EPHA5: variants seen among roughly 807,000 people sequenced by gnomAD.
The protein encoded by EPHA5 is ephrin type-A receptor 5.
In EPHA5, 60 loss-of-function variants were observed where a neutral mutation model predicts 105.0. The ratio of observed to expected loss-of-function variants is 0.57; its 90% CI spans 0.46 to 0.71. The LOEUF (loss-of-function observed/expected upper bound fraction) is 0.71. Among genes scored for constraint, EPHA5 ranks in the 30% least tolerant of loss-of-function variants. The probability of loss-of-function intolerance (pLI) is 0.00; values close to 1 mark genes in which losing one functional copy is unlikely to be tolerated. For missense variants in EPHA5, 1,218 were observed against 1,274.7 expected (o/e 0.96, Z 0.68); for synonymous variants, 513 against 449.1 (o/e 1.14, Z -1.80).
chr4:65,347,980 G>C, intron 14 of EPHA5, 74 bp downstream of exon 14: 1 of 1,381,782 alleles, frequency 7.2e-7, no homozygotes, highest in Non-Finnish European at 9.6e-7. Flanking sequence ...TTTCAGAAAT[G>C]AAAAACATTG....
intron 8 of EPHA5, among the ~76,000 whole-genome samples, chr4:65,388,323 G>A (rs1385767065): frequency 2.0e-5 from 3 of 151,838 alleles, no homozygotes; most frequent in Non-Finnish European, 4.4e-5. Flanking sequence ...AATCCTTTGG[G>A]TATATACCCA....
chr4:65,576,389 C>T (rs1233731104), intron 3 of EPHA5, among the ~76,000 whole-genome samples: 3 of 152,168 alleles, frequency 2.0e-5, no homozygotes, highest in Non-Finnish European at 4.4e-5. Context: ...AGCCTTTTTA[C>T]AGTCATTTTT....
chr4:65,383,092 T>C (rs1433900916), intron 8 of EPHA5, among the ~76,000 whole-genome samples: 1 of 149,530 alleles, frequency 6.7e-6, no homozygotes, highest in East Asian at 2.0e-4. Context: ...TGTAAAAATC[T>C]TATGCATAAA....
At chr4:65,581,220 C>T (rs191406611) in intron 3 of EPHA5, among the ~76,000 whole-genome samples, 1 of 151,716 alleles carries the variant, frequency 6.6e-6, no homozygotes, top group Non-Finnish European at 1.5e-5. Context: ...TGAAGATGCT[C>T]TATATGCCAG....
At chr4:65,615,576 C>T (rs1745157639) in intron 2 of EPHA5, among the ~76,000 whole-genome samples, 1 of 151,808 alleles carries the variant, frequency 6.6e-6, no homozygotes, top group Non-Finnish European at 1.5e-5. Flanking sequence ...TCACTCAAAA[C>T]TCACAGTAAA....
rs748569987 is a variant in EPHA5, at chr4:65,643,440, G to T, written c.182-13C>A. 4.4e-6 allele frequency: 7 copies of T among 1,608,060 alleles called. No homozygotes were observed. The highest frequency in any genetic ancestry group is 6.0e-6 in the Non-Finnish European group (7 of 1,175,856). On this transcript the variant is annotated splice_polypyrimidine_tract_variant and intron_variant, in intron 1 of 16. Coordinates refer to ENST00000613740, the MANE Select transcript of EPHA5 (RefSeq NM_001281766.3). Reference sequence around the variant, plus strand: ...TCCAATAAATTCACTGAAAAGAAAAGAACAAAAAACTCAGTGAAATGTATA... The same window carrying T: ...TCCAATAAATTCACTGAAAAGAAAATAACAAAAAACTCAGTGAAATGTATA...
At chr4:65,392,006 A>G (rs978728037) in intron 8 of EPHA5, among the ~76,000 whole-genome samples, 2 of 152,140 alleles carry the variant, frequency 1.3e-5, no homozygotes, top group Non-Finnish European at 2.9e-5. Context: ...GATTTGCTCA[A>G]TAGTGGATGT....
chr4:65,425,161 G>C (rs796998482), intron 5 of EPHA5, among the ~76,000 whole-genome samples: 2 of 152,094 alleles, frequency 1.3e-5, no homozygotes, highest in Non-Finnish European at 2.9e-5. Flanking sequence ...GACAGTCCAT[G>C]AATGTGTTAA....
intron 3 of EPHA5, among the ~76,000 whole-genome samples, chr4:65,577,319 C>T (rs2149390713): frequency 6.6e-6 from 1 of 152,038 alleles, no homozygotes; most frequent in Admixed American, 6.5e-5. Flanking sequence ...TTGCAGGTTT[C>T]CTCTTTAATT....
chr4:65,325,746 G>T (rs1489624543), intron 16 of EPHA5, among the ~76,000 whole-genome samples: 1 of 151,130 alleles, frequency 6.6e-6, no homozygotes, highest in African/African-American at 2.4e-5. Context: ...GTCTAATCTT[G>T]TCTCTTTTCA....
intron 3 of EPHA5, among the ~76,000 whole-genome samples, chr4:65,525,421 A>G (rs1735137756): frequency 6.6e-6 from 1 of 151,814 alleles, no homozygotes; most frequent in Non-Finnish European, 1.5e-5. Context: ...TTTATATATG[A>G]GGCTGGAACA....
At chr4:65,643,110 A>C (rs535842693) in intron 2 of EPHA5, among the ~76,000 whole-genome samples, 1 of 152,164 alleles carries the variant, frequency 6.6e-6, no homozygotes, top group African/African-American at 2.4e-5. Context: ...ATGCTGAAGG[A>C]AACTTCACAT....
chr4:65,445,953 A>C (rs547059659), intron 5 of EPHA5, among the ~76,000 whole-genome samples: 8 of 152,236 alleles, frequency 5.3e-5, no homozygotes, highest in African/African-American at 1.9e-4. Context: ...CTCCTTTGTC[A>C]CCAGTGTCAT....
chr4:65,404,361 C>G lies in EPHA5; in HGVS notation c.1793+13G>C. The G allele has an allele frequency of 1.9e-6, 3 of 1,607,846 alleles. No individual in the cohort carries two copies. The South Asian group carries it at 3.3e-5, about 18-fold the overall frequency. The stretch of plus-strand genomic sequence containing the variant: ...CAGCTGCAGAACTTCAGAATCACAG[C>G]TTCCTCTCTTACCTTCCACTGAGGA... On this transcript the variant is annotated intron_variant, in intron 8 of 16. Coordinates refer to ENST00000613740, the MANE Select transcript of EPHA5 (RefSeq NM_001281766.3).
chr4:65,511,501 A>G (rs1427298123), intron 3 of EPHA5, among the ~76,000 whole-genome samples: 1 of 152,200 alleles, frequency 6.6e-6, no homozygotes, highest in East Asian at 1.9e-4. Context: ...TTTTGTAAAC[A>G]TTAACTTAAG....
intron 3 of EPHA5, among the ~76,000 whole-genome samples, chr4:65,512,783 A>G (rs1175488902): frequency 6.6e-6 from 1 of 152,160 alleles, no homozygotes; most frequent in Non-Finnish European, 1.5e-5. Flanking sequence ...TTAAATACAA[A>G]GGCCGTTGTG....
At chr4:65,520,063 T>A (rs1734527625) in intron 3 of EPHA5, among the ~76,000 whole-genome samples, 1 of 152,172 alleles carries the variant, frequency 6.6e-6, no homozygotes, top group South Asian at 2.1e-4. Flanking sequence ...AGAGCCTGCA[T>A]TGCCAAGACA....
chr4:65,523,379 GT>G (rs1734944461), intron 3 of EPHA5, among the ~76,000 whole-genome samples: 1 of 151,868 alleles, frequency 6.6e-6, no homozygotes, highest in South Asian at 2.1e-4. Context: ...TTTTCACTCG[GT>G]TTGATATTTC....
rs566251284 is a variant in EPHA5 at position 65,346,804 on chromosome 4, T to C, written c.2595+1250A>G. Among the ~76,000 whole-genome samples the C allele has an allele frequency of 7.0e-3, 1,059 of 152,170 alleles. 16 individuals carry two copies. The highest frequency in any genetic ancestry group is 0.024 in the African/African-American group (991 of 41,508). On this transcript the variant is annotated intron_variant, in intron 14 of 16. Transcript: ENST00000613740. ...ACAAGAAAAAAATCAAACAACCCCA[T>C]CAAAAAATGGGCAAAGGATATGAAC...
Sources: gnomAD v4.1 joint callset for allele counts (sites outside exome capture counted in the v4.1 genomes callset) on GRCh38, gnomAD v4.1.1 for gene constraint, MANE v1.5 for transcripts, NCBI Gene and HGNC (gene_info 2026-07-23, HGNC 2026-07-21) for gene names.